Variants in NAV2 observed in about 807,000 individuals in gnomAD.
NAV2 encodes neuron navigator 2.
A neutral mutation model predicts 223.2 loss-of-function variants in NAV2; 54 were observed. The observed-to-expected ratio is 0.24, with a 90% CI of 0.19 to 0.30. The LOEUF (loss-of-function observed/expected upper bound fraction) is 0.30. Among genes scored for constraint, NAV2 ranks in the 10% least tolerant of loss-of-function variants. The pLI is 1.00. For missense variants in NAV2, 2,806 were observed against 3,147.5 expected (o/e 0.89, Z 2.60); for synonymous variants, 1,279 against 1,239.3 (o/e 1.03, Z -0.67).
At chr11:19,914,139 G>A (rs1420272411) in intron 6 of NAV2, among the ~76,000 whole-genome samples, 1 of 152,222 alleles carries the variant, frequency 6.6e-6, no homozygotes, top group Non-Finnish European at 1.5e-5. Flanking sequence ...CACTATGAAT[G>A]AGAACTTTTC....
rs756740552 is a variant in NAV2, at chr11:20,078,002, C to T, written c.5077C>T (p.Leu1693=). The change falls in exon 24 of 38, where the codon CTG becomes TTG. Residue 1693 remains leucine, a synonymous_variant. Coordinates refer to ENST00000349880, the MANE Select transcript of NAV2 (RefSeq NM_145117.5). ...TMTAEQKDSE[L]NELRKTIELL... Reference sequence around the variant, plus strand: ...TTTTTCTGTTCCCTAGGACTCAGAACTGAATGAGTTAAGAAAAACCATTGA... The same window carrying T: ...TTTTTCTGTTCCCTAGGACTCAGAATTGAATGAGTTAAGAAAAACCATTGA... 16 of 1,613,032 alleles carry T rather than the reference C, an allele frequency of 9.9e-6. No individual in the cohort carries two copies. Among genetic ancestry groups the T allele is most frequent in the African/African-American group, 2.7e-5 (2 of 75,022 alleles).
chr11:19,692,007 G>A (rs2049189014), intron 1 of NAV2, among the ~76,000 whole-genome samples: 1 of 152,224 alleles, frequency 6.6e-6, no homozygotes. Flanking sequence ...GAAGGGTTTT[G>A]CATGAGGCCA....
intron 1 of NAV2, among the ~76,000 whole-genome samples, chr11:19,821,066 T>G (rs1420954670): frequency 6.6e-6 from 1 of 152,058 alleles, no homozygotes; most frequent in Admixed American, 6.6e-5. Flanking sequence ...ATTGAGACCA[T>G]CCTGGCTAAC....
intron 1 of NAV2, among the ~76,000 whole-genome samples, chr11:19,785,863 A>C (rs2057076968): frequency 6.6e-6 from 1 of 152,182 alleles, no homozygotes; most frequent in African/African-American, 2.4e-5. Flanking sequence ...AACCCCAGAC[A>C]ACTTGGGGAC....
intron 1 of NAV2, among the ~76,000 whole-genome samples, chr11:19,817,919 A>T (rs1385875277): frequency 6.6e-6 from 1 of 151,980 alleles, no homozygotes; most frequent in African/African-American, 2.4e-5. Flanking sequence ...TGCACTGGAG[A>T]TCTCCAAGGG....
At chr11:19,917,872 C>T (rs1311897201) in intron 6 of NAV2, among the ~76,000 whole-genome samples, 2 of 152,250 alleles carry the variant, frequency 1.3e-5, no homozygotes, top group Admixed American at 6.5e-5. Context: ...CTACCTTGGC[C>T]TCCAAAAGTG....
At chr11:19,888,999 T>A (rs1234299658) in intron 5 of NAV2, among the ~76,000 whole-genome samples, 1 of 152,228 alleles carries the variant, frequency 6.6e-6, no homozygotes, top group Admixed American at 6.5e-5. Context: ...CCGGGTAAGA[T>A]TGAGCATTCT....
At position 19,605,143 on chromosome 11, in the gene NAV2, C is replaced by G. The variant is rs535833398; in HGVS notation, c.76-227341C>G. ...ACAGCCTTTGTCCAGGGCTCATGTT[C>G]TAACTACTACATTGGACTGCTGCCT... On this transcript the variant is annotated intron_variant, in intron 1 of 37. Coordinates refer to the NAV2 transcript ENST00000360655. 2.3e-4 allele frequency among the ~76,000 whole-genome samples: 35 copies of G among 152,326 alleles called. 1 individual carries two copies. The South Asian group carries it at 7.3e-3, about 32-fold the overall frequency.
chr11:19,354,815 G>A (rs919754637), intron 1 of NAV2, among the ~76,000 whole-genome samples: 6 of 152,216 alleles, frequency 3.9e-5, no homozygotes, highest in African/African-American at 1.2e-4. Context: ...GCGGCTGGCT[G>A]TGGGAAGATC....
intron 1 of NAV2, among the ~76,000 whole-genome samples, chr11:19,772,357 G>T (rs779568744): frequency 2.6e-5 from 4 of 152,154 alleles, no homozygotes; most frequent in Non-Finnish European, 4.4e-5. Flanking sequence ...ACTCCTGTTT[G>T]GTGGCTTTCA....
intron 1 of NAV2, among the ~76,000 whole-genome samples, chr11:19,809,137 C>T (rs1010429941): frequency 6.6e-6 from 1 of 152,248 alleles, no homozygotes; most frequent in African/African-American, 2.4e-5. Flanking sequence ...TTGTTAAGTC[C>T]TTTTATCCTG....
intron 1 of NAV2, among the ~76,000 whole-genome samples, chr11:19,667,041 C>A (rs2048431135): frequency 6.6e-6 from 1 of 152,154 alleles, no homozygotes; most frequent in African/African-American, 2.4e-5. Flanking sequence ...TCCAACTACC[C>A]CAACCCCCAG....
At chr11:19,449,447 G>A (rs945846862) in intron 1 of NAV2, among the ~76,000 whole-genome samples, 1 of 151,460 alleles carries the variant, frequency 6.6e-6, no homozygotes, top group African/African-American at 2.4e-5. Flanking sequence ...CAGGCCCACA[G>A]GCAGAATGCA....
At chr11:19,714,132 G>T in intron 1 of NAV2, 170 bp downstream of exon 1, 1 of 995,764 alleles carries the variant, frequency 1.0e-6, no homozygotes, top group Non-Finnish European at 1.5e-6. Context: ...GAGTGGGCCG[G>T]CCGGTGGGTG....
rs1256465265 is a variant in NAV2, at chr11:19,892,520, G to C, written c.857G>C (p.Ser286Thr). ...TCAACTACTGCTAACAACCGACGCA[G>C]CCAGAGCTTTAACAACTATGATAAA... Reference protein sequence around the residue: ...GGSTTANNRRSQSFNNYDKSK... With the variant: ...GGSTTANNRRTQSFNNYDKSK... Residue 286 changes from serine (S) to threonine (T), a missense_variant, in exon 6 of 38, where the codon AGC becomes ACC. Around this residue, in one of 4 missense-constraint regions of NAV2, gnomAD observed 1,167 missense variants for 1,180.5 expected, o/e 0.99. Transcript: ENST00000349880. 6.2e-7 allele frequency: 1 copy of C among 1,614,228 alleles called. No homozygotes were observed. Among genetic ancestry groups the C allele is most frequent in the Non-Finnish European group, 8.5e-7 (1 of 1,180,042 alleles).
chr11:19,653,387 G>A (rs2048026140), intron 1 of NAV2, among the ~76,000 whole-genome samples: 1 of 152,194 alleles, frequency 6.6e-6, no homozygotes, highest in Admixed American at 6.5e-5. Flanking sequence ...GAGGACAAGA[G>A]GAAGAGAACT....
intron 1 of NAV2, among the ~76,000 whole-genome samples, chr11:19,601,984 GC>G (rs1347970604): frequency 6.6e-6 from 1 of 152,098 alleles, no homozygotes; most frequent in African/African-American, 2.4e-5. Flanking sequence ...TAGATGACCT[GC>G]CCCACCAGGG....
intron 1 of NAV2, among the ~76,000 whole-genome samples, chr11:19,574,293 A>AT (rs1303537748): frequency 1.3e-5 from 2 of 152,200 alleles, no homozygotes; most frequent in Non-Finnish European, 2.9e-5. Context: ...TTTTATGTTT[A>AT]TTATGATTTA....
intron 12 of NAV2, among the ~76,000 whole-genome samples, chr11:20,036,963 G>A (rs2056431492): frequency 6.6e-6 from 1 of 152,180 alleles, no homozygotes. Context: ...CTGACCCTCA[G>A]ACCATTCCTT....
Sources: allele counts gnomAD v4.1 joint callset (sites outside exome capture counted in the v4.1 genomes callset), GRCh38; gene constraint gnomAD v4.1.1; regional missense constraint gnomAD v4.1.1; transcripts MANE v1.5; gene names NCBI Gene and HGNC (gene_info 2026-07-23, HGNC 2026-07-21).